Variants in CTNNA3 observed in about 807,000 individuals in gnomAD.
The protein encoded by CTNNA3 is catenin alpha 3, also known as catenin alpha-3.
In CTNNA3, 76 loss-of-function variants were observed where a neutral mutation model predicts 95.7. The observed-to-expected ratio is 0.79, with a 90% CI of 0.66 to 0.96. CTNNA3 has a LOEUF of 0.96. Among genes scored for constraint, CTNNA3 ranks in the 40% least tolerant of loss-of-function variants. CTNNA3 has a pLI of 0.00. For synonymous variants in CTNNA3, 431 were observed against 374.4 expected (o/e 1.15, Z -1.74); for missense variants, 1,191 against 1,089.8 (o/e 1.09, Z -1.31).
chr10:67,304,853 T>C lies in CTNNA3; in HGVS notation c.580-84983A>G, dbSNP rs142254385. 1.3e-4 allele frequency among the ~76,000 whole-genome samples: 20 copies of C among 152,158 alleles called. No individual in the cohort carries two copies. The East Asian group carries it at 3.9e-3, about 30-fold the overall frequency. ...TAGACTCTGTGATCAGAGAAAGGCT[T>C]TCTGGAGGAGACATCCCAGAACTAT... is the stretch of plus-strand genomic sequence containing the variant. On this transcript the variant is annotated intron_variant, in intron 5 of 17. Transcript: ENST00000433211.
intron 5 of CTNNA3, among the ~76,000 whole-genome samples, chr10:67,328,017 C>T (rs117062496): frequency 0.027 from 4,150 of 152,224 alleles, 70 homozygotes; most frequent in Non-Finnish European, 0.042. Context: ...GGGGGCAGGG[C>T]TGGCTGACTC....
chr10:67,648,331 T>C (rs906668500), intron 1 of CTNNA3, among the ~76,000 whole-genome samples: 4 of 152,210 alleles, frequency 2.6e-5, no homozygotes, highest in African/African-American at 9.6e-5. Flanking sequence ...TATTTATTAA[T>C]CTACTAAAAA....
At chr10:67,756,820 G>A (rs1020722450) in intron 1 of CTNNA3, among the ~76,000 whole-genome samples, 4 of 151,960 alleles carry the variant, frequency 2.6e-5, no homozygotes, top group Non-Finnish European at 4.4e-5. Context: ...ACACTTGAAT[G>A]GTTAAAATGG....
chr10:66,328,899 C>T (rs935943433), intron 12 of CTNNA3, among the ~76,000 whole-genome samples: 6 of 64,370 alleles, frequency 9.3e-5, no homozygotes, highest in Admixed American at 8.3e-4. Context: ...CATACACACA[C>T]ACACATATAT....
Position 67,530,745 on chromosome 10 carries a change from G to A in CTNNA3, c.459+8758C>T, listed in dbSNP as rs758855711. 2.0e-5 allele frequency among the ~76,000 whole-genome samples: 3 copies of A among 152,166 alleles called. No homozygotes were observed. The East Asian group carries it at 5.8e-4, about 29-fold the overall frequency. ...CCAAATATTAATCCCCAAGACAATG[G>A]GGAAAATGTCTCCAGGGCATGTCAG... is the stretch of plus-strand genomic sequence containing the variant. On this transcript the variant is annotated intron_variant, in intron 4 of 17. Coordinates refer to ENST00000433211, the MANE Select transcript of CTNNA3 (RefSeq NM_013266.4).
intron 11 of CTNNA3, among the ~76,000 whole-genome samples, chr10:66,467,965 A>C (rs1333060288): frequency 6.6e-6 from 1 of 151,988 alleles, no homozygotes; most frequent in Non-Finnish European, 1.5e-5. Flanking sequence ...TAGTAGTAGG[A>C]GGATCTTCTT....
chr10:67,747,150 T>A (rs1212697131), intron 1 of CTNNA3, among the ~76,000 whole-genome samples: 1 of 152,176 alleles, frequency 6.6e-6, no homozygotes, highest in African/African-American at 2.4e-5. Context: ...GAGCCCCTAG[T>A]GGGTGGGGTG....
At chr10:66,146,251 T>C (rs1202900047) in intron 13 of CTNNA3, among the ~76,000 whole-genome samples, 1 of 152,200 alleles carries the variant, frequency 6.6e-6, no homozygotes, top group African/African-American at 2.4e-5. Flanking sequence ...TTCAGATGGC[T>C]GAAGCTAGTC....
chr10:67,723,835 C>G (rs1051705567), intron 1 of CTNNA3, among the ~76,000 whole-genome samples: 3 of 152,108 alleles, frequency 2.0e-5, no homozygotes, highest in Admixed American at 1.3e-4. Flanking sequence ...CCACGTCTTT[C>G]TCGGTATGCT....
chr10:66,982,532 A>G (rs573193021), intron 7 of CTNNA3, among the ~76,000 whole-genome samples: 52 of 152,330 alleles, frequency 3.4e-4, no homozygotes, highest in African/African-American at 1.0e-3. Context: ...GCATACAAAC[A>G]TAATTATAGC....
intron 3 of CTNNA3, among the ~76,000 whole-genome samples, chr10:67,579,995 T>A (rs193233542): frequency 6.6e-6 from 1 of 152,336 alleles, no homozygotes; most frequent in Admixed American, 6.5e-5. Flanking sequence ...TTTCTCCCAT[T>A]CTGTAGGTTG....
At chr10:66,962,385 T>A (rs1008596136) in intron 7 of CTNNA3, among the ~76,000 whole-genome samples, 1 of 150,330 alleles carries the variant, frequency 6.7e-6, no homozygotes, top group African/African-American at 2.5e-5. Flanking sequence ...CTCCTCTAAG[T>A]TTTTTTTTGT....
intron 14 of CTNNA3, among the ~76,000 whole-genome samples, chr10:66,084,128 T>C (rs1475291326): frequency 8.8e-6 from 1 of 114,212 alleles, no homozygotes; most frequent in Non-Finnish European, 1.8e-5. Context: ...ACAGCGAAAC[T>C]TCATCTCAAA....
intron 11 of CTNNA3, among the ~76,000 whole-genome samples, chr10:66,405,187 G>T (rs1244507246): frequency 6.6e-6 from 1 of 152,024 alleles, no homozygotes; most frequent in Non-Finnish European, 1.5e-5. Flanking sequence ...AATGTTTAGA[G>T]TCAAATAACC....
chr10:66,533,814 T>C (rs554514683), intron 10 of CTNNA3, among the ~76,000 whole-genome samples: 49 of 152,282 alleles, frequency 3.2e-4, no homozygotes, highest in Admixed American at 1.3e-3. Flanking sequence ...TTCACGCCTA[T>C]AATCCTAGTG....
At chr10:67,141,726 A>G (rs1183331534) in intron 7 of CTNNA3, among the ~76,000 whole-genome samples, 1 of 152,228 alleles carries the variant, frequency 6.6e-6, no homozygotes, top group Admixed American at 6.5e-5. Flanking sequence ...CAGCTGCCTT[A>G]GTCTTGATTT....
intron 11 of CTNNA3, among the ~76,000 whole-genome samples, chr10:66,396,616 G>C (rs1042401455): frequency 6.6e-6 from 1 of 151,890 alleles, no homozygotes; most frequent in African/African-American, 2.4e-5. Context: ...CAATTCATTG[G>C]AATAGTTATT....
intron 5 of CTNNA3, among the ~76,000 whole-genome samples, chr10:67,267,243 A>G (rs1447054627): frequency 3.3e-5 from 5 of 152,262 alleles, no homozygotes; most frequent in Non-Finnish European, 7.3e-5. Flanking sequence ...AAATATTTAC[A>G]TAGTAATAAT....
chr10:67,195,328 T>C (rs1319153503), intron 6 of CTNNA3, among the ~76,000 whole-genome samples: 1 of 152,046 alleles, frequency 6.6e-6, no homozygotes, highest in African/African-American at 2.4e-5. Context: ...GGCTCTCTTA[T>C]TCAGTGGAGC....
Sources: gnomAD v4.1 joint callset for allele counts (sites outside exome capture counted in the v4.1 genomes callset) on GRCh38, gnomAD v4.1.1 for gene constraint, MANE v1.5 for transcripts, NCBI Gene and HGNC (gene_info 2026-07-23, HGNC 2026-07-21) for gene names.